Variants in MAN2A1 observed in about 807,000 individuals in gnomAD.
The protein encoded by MAN2A1 is mannosidase alpha class 2A member 1, also known as alpha-mannosidase 2.
MAN2A1 carries 76 observed loss-of-function variants against 142.6 expected under a neutral mutation model. That is an observed-to-expected ratio of 0.53 (90% CI 0.44 to 0.65). The LOEUF (loss-of-function observed/expected upper bound fraction) is 0.65. Ranked by LOEUF, MAN2A1 falls within the 30% of genes least tolerant of loss-of-function variation. The pLI is 0.00. For synonymous variants in MAN2A1, 559 were observed against 473.2 expected, an observed-to-expected ratio of 1.18 and a Z score of -2.35; for missense variants, 1,311 against 1,365.1, an observed-to-expected ratio of 0.96 and a Z score of 0.62.
intron 16 of MAN2A1, among the ~76,000 whole-genome samples, chr5:109,838,349 A>C (rs1288324939): frequency 4.6e-5 from 7 of 152,164 alleles, no homozygotes; most frequent in Admixed American, 4.6e-4. Context: ...AATCTTGTAA[A>C]GTGTTAAAGA....
At chr5:109,791,205 C>T (rs1339621320) in intron 12 of MAN2A1, among the ~76,000 whole-genome samples, 1 of 151,712 alleles carries the variant, frequency 6.6e-6, no homozygotes, top group Non-Finnish European at 1.5e-5. Flanking sequence ...TATTGACTTC[C>T]TATTTCTGTA....
At chr5:109,723,263 A>G (rs1751654790) in intron 3 of MAN2A1, among the ~76,000 whole-genome samples, 1 of 152,182 alleles carries the variant, frequency 6.6e-6, no homozygotes, top group South Asian at 2.1e-4. Flanking sequence ...ATTAAAGCTG[A>G]TATGCTTAGA....
At position 109,807,425 on chromosome 5, in the gene MAN2A1, G is replaced by A. The variant is rs188778326; in HGVS notation, c.1944-9848G>A. On this transcript the variant is annotated intron_variant, in intron 12 of 21. Transcript: ENST00000261483. ...AAATTTATTATCTTATAGTTTTGGG[G>A]GTCAGAAGTTCAAGACCATTTTCAC... Among the ~76,000 whole-genome samples the A allele has an allele frequency of 5.9e-3, 897 of 152,162 alleles. 4 individuals are homozygous for A. The highest frequency in any genetic ancestry group is 0.021 in the African/African-American group (856 of 41,514).
chr5:109,796,576 G>T (rs886853352), intron 12 of MAN2A1, among the ~76,000 whole-genome samples: 12 of 94,414 alleles, frequency 1.3e-4, no homozygotes, highest in Admixed American at 1.0e-3. Flanking sequence ...AATAAAGTAG[G>T]CAGGAACAAG....
At chr5:109,691,326 G>C (rs1750665730) in intron 1 of MAN2A1, among the ~76,000 whole-genome samples, 1 of 152,184 alleles carries the variant, frequency 6.6e-6, no homozygotes, top group African/African-American at 2.4e-5. Flanking sequence ...CTTTGGAAGG[G>C]TATCCACCGC....
At chr5:109,767,464 G>C in intron 5 of MAN2A1, 71 bp from the exon 6 acceptor site, 2 of 1,269,556 alleles carry the variant, frequency 1.6e-6, no homozygotes, top group Admixed American at 3.8e-5. Context: ...CAATGAGTCT[G>C]AATGTGTTGT....
rs1410329761 is a variant in MAN2A1 at position 109,690,266 on chromosome 5, C to A, written c.-152C>A. On this transcript the variant is annotated 5_prime_UTR_variant, in exon 1 of 22. Coordinates refer to ENST00000261483, the MANE Select transcript of MAN2A1 (RefSeq NM_002372.4). ...GTGTGGTGGCGCCGGAGACTAGGTG[C>A]GGAGCAAGGCGGGGACTCGCACCCG... The A allele has an allele frequency of 2.6e-5, 19 of 726,788 alleles. No homozygotes were observed. The highest frequency in any genetic ancestry group is 3.4e-4 in the Middle Eastern group (1 of 2,936). 45.0% of individuals were successfully genotyped at this position (726,788 alleles called of 1,614,324 possible). A position where few individuals can be genotyped will look rare whatever the true frequency, so the allele number is the denominator to read the frequency against.
intron 16 of MAN2A1, among the ~76,000 whole-genome samples, chr5:109,827,543 C>T (rs778605194): frequency 7.9e-5 from 12 of 152,072 alleles, no homozygotes; most frequent in South Asian, 2.1e-4. Context: ...GTTGAGAGGC[C>T]GTATAGTTCA....
intron 12 of MAN2A1, among the ~76,000 whole-genome samples, chr5:109,814,136 G>GA (rs1470657842): frequency 6.6e-6 from 1 of 152,104 alleles, no homozygotes. Context: ...AATTGGAGAA[G>GA]AAAAAAGCAC....
Position 109,707,762 on chromosome 5 carries a change from T to C in MAN2A1, c.136-5758T>C, listed in dbSNP as rs143694642. 1.2e-4 allele frequency among the ~76,000 whole-genome samples: 18 copies of C among 152,070 alleles called. 1 individual carries two copies. The highest frequency in any genetic ancestry group is 4.3e-4 in the African/African-American group (18 of 41,436). ...GAGATAAGATGAAGGTGAAGCTAAG[T>C]TGAGAGAAAGAGATATTCAGTCCTT... On this transcript the variant is annotated intron_variant, in intron 1 of 21. Coordinates refer to ENST00000261483, the MANE Select transcript of MAN2A1 (RefSeq NM_002372.4).
chr5:109,817,277 C>G lies in MAN2A1; in HGVS notation c.1948C>G (p.Leu650Val), dbSNP rs142458296. 2 of 1,612,910 alleles carry G rather than the reference C, an allele frequency of 1.2e-6. No homozygotes were observed. The highest frequency in any genetic ancestry group is 1.7e-6 in the Non-Finnish European group (2 of 1,179,542). ...ATGAAGCAGCTGTTTTTGCAGGTACCTTGTGGTCTATAATCCTTTAGAACA... is the reference window on the plus strand; with the variant it reads ...ATGAAGCAGCTGTTTTTGCAGGTACGTTGTGGTCTATAATCCTTTAGAACA... ...IIRLSAEPRY[L>V]VVYNPLEQDR... Residue 650 changes from leucine to valine, a missense_variant, in exon 13 of 22, where the codon CTT becomes GTT. Leu to Val is a conservative substitution (Grantham distance 32). Around this residue, in one of 3 missense-constraint regions of MAN2A1, gnomAD observed 890 missense variants for 920.5 expected, o/e 0.97. Transcript: ENST00000261483.
Position 109,748,672 on chromosome 5 carries a change from G to A in MAN2A1, c.708-6657G>A, listed in dbSNP as rs1175206842. On this transcript the variant is annotated intron_variant, in intron 4 of 21. Transcript: ENST00000261483. ...GTAACAGCCCCTAATGAACCTGTAA[G>A]AACCAATGAGGCAAATATTTGAAGG... is the stretch of plus-strand genomic sequence containing the variant. 2.6e-5 allele frequency among the ~76,000 whole-genome samples: 4 copies of A among 151,944 alleles called. No individual in the cohort carries two copies. The South Asian group carries it at 8.3e-4, about 32-fold the overall frequency.
intron 1 of MAN2A1, among the ~76,000 whole-genome samples, chr5:109,691,437 G>C (rs1276479189): frequency 6.6e-6 from 1 of 152,208 alleles, no homozygotes; most frequent in South Asian, 2.1e-4. Flanking sequence ...AGTGTGCTCT[G>C]TAACGAATGA....
At chr5:109,721,714 A>G (rs1163782548) in intron 3 of MAN2A1, among the ~76,000 whole-genome samples, 1 of 152,116 alleles carries the variant, frequency 6.6e-6, no homozygotes, top group Admixed American at 6.6e-5. Flanking sequence ...CTCTCATTGG[A>G]CTTTATTCTT....
At chr5:109,712,660 C>T (rs1036808374) in intron 1 of MAN2A1, among the ~76,000 whole-genome samples, 5 of 152,092 alleles carry the variant, frequency 3.3e-5, no homozygotes, top group Admixed American at 6.6e-5. Context: ...TATAACATCA[C>T]CTTGTGTGTT....
At chr5:109,762,315 G>C (rs1050860157) in intron 5 of MAN2A1, among the ~76,000 whole-genome samples, 1 of 152,050 alleles carries the variant, frequency 6.6e-6, no homozygotes, top group African/African-American at 2.4e-5. Flanking sequence ...AAGCTAAAAG[G>C]TATTTTGTGT....
intron 6 of MAN2A1, among the ~76,000 whole-genome samples, chr5:109,769,363 G>A (rs1456181075): frequency 5.3e-5 from 8 of 152,122 alleles, no homozygotes; most frequent in African/African-American, 1.7e-4. Flanking sequence ...GAATTAAGTT[G>A]AGCTTGTTCA....
intron 20 of MAN2A1, among the ~76,000 whole-genome samples, chr5:109,856,530 T>C (rs1404812887): frequency 1.3e-5 from 2 of 152,138 alleles, no homozygotes; most frequent in African/African-American, 4.8e-5. Context: ...GGCCTGTCTT[T>C]AGACTAGAAA....
chr5:109,851,517 A>G (rs1755481098), intron 19 of MAN2A1, among the ~76,000 whole-genome samples: 1 of 151,986 alleles, frequency 6.6e-6, no homozygotes, highest in African/African-American at 2.4e-5. Context: ...GCTCTCTTGC[A>G]CTCTCTTGCC....
Sources: allele counts gnomAD v4.1 joint callset (sites outside exome capture counted in the v4.1 genomes callset), GRCh38; gene constraint gnomAD v4.1.1; regional missense constraint gnomAD v4.1.1; transcripts MANE v1.5; gene names NCBI Gene and HGNC (gene_info 2026-07-23, HGNC 2026-07-21).